Variants in CCDC18 observed in about 807,000 individuals in gnomAD.
The protein encoded by CCDC18 is coiled-coil domain containing 18, also known as coiled-coil domain-containing protein 18.
A neutral mutation model predicts 196.0 loss-of-function variants in CCDC18; 157 were observed. That is an observed-to-expected ratio of 0.80 (90% CI 0.70 to 0.91). The LOEUF is 0.91. CCDC18 is among the 40% of genes least tolerant of loss of function. The pLI, the probability that CCDC18 is intolerant of heterozygous loss-of-function variation, is 0.00. For synonymous variants in CCDC18, 482 were observed against 529.2 expected (o/e 0.91, Z 1.22); for missense variants, 1,465 against 1,611.6 (o/e 0.91, Z 1.56).
At chr1:93,219,390 T>C (rs1657043488) in intron 14 of CCDC18, among the ~76,000 whole-genome samples, 1 of 152,222 alleles carries the variant, frequency 6.6e-6, no homozygotes. Flanking sequence ...ATGCTATGTC[T>C]TCTCTTTGAC....
intron 5 of CCDC18, 147 bp downstream of exon 5, chr1:93,192,253 G>T (rs1477017273): frequency 1.6e-5 from 10 of 625,892 alleles, no homozygotes; most frequent in Non-Finnish European, 5.6e-6. Context: ...TCTATTTTTA[G>T]TCAATCATAA....
intron 26 of CCDC18, among the ~76,000 whole-genome samples, chr1:93,261,765 A>G (rs1041848201): frequency 6.6e-6 from 1 of 152,122 alleles, no homozygotes; most frequent in Non-Finnish European, 1.5e-5. Context: ...TTTTAGACAT[A>G]ATTATTTCAT....
chr1:93,241,158 T>G (rs961688875), intron 21 of CCDC18, among the ~76,000 whole-genome samples: 14 of 151,598 alleles, frequency 9.2e-5, no homozygotes, highest in Admixed American at 4.0e-4. Flanking sequence ...TTTCACCACG[T>G]TGGCCAGACT....
rs1429672397 is a variant in CCDC18, at chr1:93,214,936, A to G, written c.1689A>G (p.Lys563=). ...FQLIQEELLE[K]ASNSSKLESE... is the part of the protein sequence containing the mutation. ...TGATTCAAGAGGAGCTGCTAGAGAA[A>G]GCTTCAAACTCCAGCAAACTGGAAA... Residue 563 remains lysine (K), a synonymous_variant, in exon 12 of 29, where the codon AAA becomes AAG. Transcript: ENST00000690025. 1.9e-6 allele frequency: 3 copies of G among 1,606,822 alleles called. No individual in the cohort carries two copies. The highest frequency in any genetic ancestry group is 1.7e-5 in the Admixed American group (1 of 59,090).
At chr1:93,251,209 CAAAA>C (rs903787273) in intron 23 of CCDC18, among the ~76,000 whole-genome samples, 2 of 151,494 alleles carry the variant, frequency 1.3e-5, no homozygotes, top group East Asian at 1.9e-4. Context: ...ATAGCAAAAA[CAAAA>C]AAAAGTAAAA....
At chr1:93,180,147 G>A (rs1649273702), upstream of CCDC18, 4 of 1,613,618 alleles carry the variant, frequency 2.5e-6, no homozygotes, top group Non-Finnish European at 3.4e-6. Flanking sequence ...AGTCGCTATC[G>A]AGGGAAGGTG....
chr1:93,270,798 G>T lies in CCDC18; in HGVS notation c.4337G>T (p.Gly1446Val). 6.5e-7 allele frequency: 1 copy of T among 1,534,932 alleles called. No individual in the cohort carries two copies. The highest frequency in any genetic ancestry group is 8.8e-7 in the Non-Finnish European group (1 of 1,140,770). The part of the protein sequence containing the change: ...RLLKKSSMQT[G>V]AGLNQGENV The stretch of plus-strand genomic sequence containing the variant: ...TTAAAAAAGTCTTCTATGCAAACAG[G>T]TGCTGGTTTAAATCAGGTATGTATT... Residue 1446 changes from glycine to valine, a missense_variant, in exon 28 of 29, where the codon GGT becomes GTT. By Grantham distance (109) the Gly-to-Val change is moderately radical. Transcript: ENST00000690025.
chr1:93,201,691 T>G lies in CCDC18; in HGVS notation c.699-201T>G, dbSNP rs998962940. On this transcript the variant is annotated intron_variant, in intron 6 of 28. Coordinates refer to ENST00000690025, the MANE Select transcript of CCDC18 (RefSeq NM_001378204.1). Reference sequence around the variant, plus strand: ...TGTTTATTATTGTTTTGTGTTTTATTTTTCATATTGATAGAGTGAGAAAAT... The same window carrying G: ...TGTTTATTATTGTTTTGTGTTTTATGTTTCATATTGATAGAGTGAGAAAAT... 7.2e-5 allele frequency among the ~76,000 whole-genome samples: 11 copies of G among 152,296 alleles called. 1 individual carries two copies. Among genetic ancestry groups the G allele is most frequent in the Admixed American group, 2.6e-4 (4 of 15,304 alleles).
chr1:93,192,382 T>C (rs551693891), intron 5 of CCDC18, among the ~76,000 whole-genome samples: 284 of 152,346 alleles, frequency 1.9e-3, no homozygotes, highest in African/African-American at 6.7e-3. Context: ...CATAGAAGTA[T>C]ATACTCAGTG....
intron 3 of CCDC18, among the ~76,000 whole-genome samples, chr1:93,184,502 C>T (rs1650289155): frequency 6.6e-6 from 1 of 151,802 alleles, no homozygotes; most frequent in Admixed American, 6.6e-5. Context: ...TTAAGGTATA[C>T]CCACCATTTA....
chr1:93,185,446 T>C lies in CCDC18; in HGVS notation c.304-899T>C, dbSNP rs192954809. On this transcript the variant is annotated intron_variant, in intron 3 of 28. Coordinates refer to ENST00000690025, the MANE Select transcript of CCDC18 (RefSeq NM_001378204.1). ...CAAAAGATTAGAAATAGTTCAAGTA[T>C]CCAGTAATAGGGGGTTAGTTGAATA... 2.2e-3 allele frequency among the ~76,000 whole-genome samples: 331 copies of C among 152,070 alleles called. 1 individual carries two copies. Among genetic ancestry groups the C allele is most frequent in the Non-Finnish European group, 2.5e-3 (170 of 67,852 alleles).
chr1:93,240,874 C>T (rs1028529287), intron 21 of CCDC18, among the ~76,000 whole-genome samples: 4 of 152,142 alleles, frequency 2.6e-5, no homozygotes, highest in African/African-American at 7.2e-5. Context: ...GTTGCTCAAA[C>T]CACAAATATA....
chr1:93,210,883 A>G lies in CCDC18; in HGVS notation c.1291A>G (p.Ile431Val). Residue 431 changes from isoleucine (I) to valine (V), a missense_variant, in exon 10 of 29, where the codon ATT (isoleucine) becomes GTT (valine). Ile to Val is a conservative substitution (Grantham distance 29, BLOSUM62 3). Transcript: ENST00000690025. Reference sequence around the variant, plus strand: ...CTTCTCAAACAAGGAAGACCGTTGCATTGGCTGCTGTGAGGCAAATAAATT... The same window carrying G: ...CTTCTCAAACAAGGAAGACCGTTGCGTTGGCTGCTGTGAGGCAAATAAATT... ...SSFSNKEDRCIGCCEANKLVI... is the reference protein window; with the variant it reads ...SSFSNKEDRCVGCCEANKLVI... 1.9e-6 allele frequency: 3 copies of G among 1,614,000 alleles called. No homozygotes were observed. Among genetic ancestry groups the G allele is most frequent in the Non-Finnish European group, 8.5e-7 (1 of 1,179,872 alleles).
intron 21 of CCDC18, among the ~76,000 whole-genome samples, chr1:93,244,281 T>C (rs1363171116): frequency 1.3e-5 from 2 of 152,146 alleles, no homozygotes; most frequent in African/African-American, 4.8e-5. Context: ...CATGATTCAA[T>C]TACCTCCCAC....
At chr1:93,241,241 C>G (rs1660736137) in intron 21 of CCDC18, among the ~76,000 whole-genome samples, 1 of 151,930 alleles carries the variant, frequency 6.6e-6, no homozygotes, top group Non-Finnish European at 1.5e-5. Flanking sequence ...AGACATGAGC[C>G]ACTGCACCCA....
chr1:93,227,799 A>G (rs1014794544), intron 17 of CCDC18, among the ~76,000 whole-genome samples: 1 of 151,226 alleles, frequency 6.6e-6, no homozygotes, highest in Admixed American at 6.6e-5. Context: ...CTACAAAAAA[A>G]TTAAAAACAT....
intron 19 of CCDC18, among the ~76,000 whole-genome samples, chr1:93,238,389 T>C (rs548015165): frequency 4.9e-4 from 74 of 152,294 alleles, no homozygotes; most frequent in African/African-American, 1.7e-3. Flanking sequence ...ACATTATACA[T>C]GTATAATTTT....
At chr1:93,202,696 T>C (rs1434693426) in intron 7 of CCDC18, among the ~76,000 whole-genome samples, 1 of 152,206 alleles carries the variant, frequency 6.6e-6, no homozygotes, top group Non-Finnish European at 1.5e-5. Flanking sequence ...GGTGTTCATT[T>C]ATTAAACAAT....
At chr1:93,211,897 A>G (rs1280548231) in intron 10 of CCDC18, among the ~76,000 whole-genome samples, 1 of 152,194 alleles carries the variant, frequency 6.6e-6, no homozygotes, top group African/African-American at 2.4e-5. Context: ...TTTCAATTTT[A>G]CTAAATACCA....
Sources: gnomAD v4.1 joint callset for allele counts (sites outside exome capture counted in the v4.1 genomes callset) on GRCh38, gnomAD v4.1.1 for gene constraint, MANE v1.5 for transcripts, NCBI Gene and HGNC (gene_info 2026-07-23, HGNC 2026-07-21) for gene names.